Variants in FLNA observed in about 807,000 individuals in gnomAD.
The protein encoded by FLNA is filamin-A.
In FLNA, 7 loss-of-function variants were observed where a neutral mutation model predicts 157.6. That is an observed-to-expected ratio of 0.04 (90% confidence interval 0.03 to 0.08). The LOEUF (loss-of-function observed/expected upper bound fraction) is 0.08. Ranked by LOEUF, FLNA falls within the 10% of genes least tolerant of loss-of-function variation. FLNA has a pLI of 1.00. For synonymous variants in FLNA, 1,103 were observed against 1,060.8 expected (o/e 1.04, Z -0.77); for missense variants, 1,750 against 2,398.4 (o/e 0.73, Z 5.65).
At chrX:154,364,452 CAG>C (rs2067739707) in intron 13 of FLNA, 72 bp downstream of exon 13, 1 of 1,184,589 alleles carries the variant, frequency 8.4e-7, no homozygotes, top group South Asian at 1.8e-5. Flanking sequence ...GCCAGGGACA[CAG>C]AGTGCCATCC....
rs1557180187 is a variant in FLNA at position 154,370,985 on chromosome X, C to T, written c.261G>A (p.Lys87=). Residue 87 remains lysine (K), a synonymous_variant, in exon 2 of 48, where the codon AAG becomes AAA. Transcript: ENST00000369850. ...LIALLEVLSQ[K]KMHRKHNQRP... ...GCTGGTTGTGCTTGCGGTGCATCTT[C>T]TTCTGGCTGAGCACCTCCAACAGCG... The T allele has an allele frequency of 2.5e-6, 3 of 1,211,019 alleles. No homozygotes were observed. The highest frequency in any genetic ancestry group is 2.3e-4 in the Middle Eastern group (1 of 4,351).
chrX:154,356,304 AC>A (rs2067662188), intron 30 of FLNA, among the ~76,000 whole-genome samples: 1 of 106,670 alleles, frequency 9.4e-6, no homozygotes, highest in African/African-American at 3.6e-5. Context: ...CCCCTTCCCC[AC>A]CCCGGGCTCC....
In FLNA at chrX:154,361,475, C is replaced by T. The variant is rs2067711019; in HGVS notation, c.3040G>A (p.Ala1014Thr). ...GGCTCCACCTTGCAGGGCACCGCTGCACCCGAGGGGCCCACAATCTTGGAT... is the reference window on the plus strand; with the variant it reads ...GGCTCCACCTTGCAGGGCACCGCTGTACCCGAGGGGCCCACAATCTTGGAT... ...VASKIVGPSGAAVPCKVEPGL... is the reference protein window; with the variant it reads ...VASKIVGPSGTAVPCKVEPGL... Residue 1014 changes from alanine (A) to threonine (T), a missense_variant, in exon 21 of 48, where the codon GCA becomes ACA. Transcript: ENST00000369850. 1 of 1,209,317 alleles carries T rather than the reference C, an allele frequency of 8.3e-7. No homozygotes were observed. The highest frequency in any genetic ancestry group is 2.2e-5 in the Admixed American group (1 of 45,739).
At chrX:154,372,993 A>AT (rs1557180689) in intron 1 of FLNA, among the ~76,000 whole-genome samples, 1 of 110,086 alleles carries the variant, frequency 9.1e-6, no homozygotes, top group Non-Finnish European at 1.9e-5. Context: ...TGCAAATGGC[A>AT]TTTTCCAGTA....
Position 154,360,126 on chromosome X carries a change from G to A in FLNA, c.3669C>T (p.Pro1223=). The change falls in exon 22 of 48, where the codon CCC becomes CCT. Residue 1223 remains proline (P), a synonymous_variant. Coordinates refer to ENST00000369850, the MANE Select transcript of FLNA (RefSeq NM_001110556.2). ...TGACGGTGTAGGCCCCGGGGCAGAG[G>A]GGAATGTAGGTAATGGTGTGCGTGC... ...GDGTHTITYI[P]LCPGAYTVTI... The A allele has an allele frequency of 8.3e-7, 1 of 1,210,833 alleles. No homozygotes were observed. Among genetic ancestry groups the A allele is most frequent in the Non-Finnish European group, 1.1e-6 (1 of 894,984 alleles).
Position 154,374,272 on chromosome X carries a change from G to T in FLNA, c.-117+234C>A, listed in dbSNP as rs1255091991. On this transcript the variant is annotated intron_variant, in intron 1 of 47. Transcript: ENST00000369850. ...CCCATGGCCTCAGGCTCCCACATTCGTGGGCACAGACATGGCTCGTGGGTC... is the reference window on the plus strand; with the variant it reads ...CCCATGGCCTCAGGCTCCCACATTCTTGGGCACAGACATGGCTCGTGGGTC... Among the ~76,000 whole-genome samples, 3 of 112,705 alleles carry T rather than the reference G, an allele frequency of 2.7e-5. No homozygotes were observed. In the East Asian group the frequency reaches 8.4e-4, roughly 31 times the overall value.
At chrX:154,350,318 G>A (rs1557175493) in intron 44 of FLNA, 111 bp from the exon 45 acceptor site, 1 of 733,138 alleles carries the variant, frequency 1.4e-6, no homozygotes, top group Non-Finnish European at 2.1e-6. Context: ...CGGTCCATCA[G>A]TGTGAGCCCA....
In FLNA at chrX:154,371,348, G is replaced by C. The variant is rs1479440548; in HGVS notation, c.-103C>G. 3 of 1,027,919 alleles carry C rather than the reference G, an allele frequency of 2.9e-6. No individual in the cohort carries two copies. The East Asian group carries it at 9.7e-5, about 33-fold the overall frequency. The allele number at this position is 1,027,919 out of a possible 1,213,427, so 84.7% of individuals were successfully genotyped here. A position where few individuals can be genotyped will look rare whatever the true frequency, so the allele number is the denominator to read the frequency against. The stretch of plus-strand genomic sequence containing the variant: ...CTAGGCGCGCGGGAGGCGAGGCAGG[G>C]AGCAGAGGTTGCGCTGCGGAGAGAG... On this transcript the variant is annotated 5_prime_UTR_variant, in exon 2 of 48. Transcript: ENST00000369850.
In FLNA at chrX:154,364,078, T is replaced by C; in HGVS notation, c.2224A>G (p.Lys742Glu). 8.3e-7 allele frequency: 1 copy of C among 1,211,102 alleles called. No individual in the cohort carries two copies. Residue 742 changes from lysine to glutamate, a missense_variant, in exon 15 of 48, where the codon AAG (lysine) becomes GAG (glutamate). This residue lies in a region of FLNA where 648 missense variants were observed against 805.8 expected (regional missense o/e 0.80). Coordinates refer to ENST00000369850, the MANE Select transcript of FLNA (RefSeq NM_001110556.2). ...CCCCAGGACACCATGGCTGTGTGCT[T>C]CACCGGCTTCCTGGGCACGTAGGAG... ...SCSYVPRKPV[K>E]HTAMVSWGGV...
chrX:154,373,188 C>T (rs1396490489), intron 1 of FLNA, among the ~76,000 whole-genome samples: 1 of 112,175 alleles, frequency 8.9e-6, no homozygotes, highest in Non-Finnish European at 1.9e-5. Context: ...CTTCTGGTCC[C>T]CCTGCCCCAC....
At position 154,352,646 on chromosome X, in the gene FLNA, C is replaced by G. The variant is rs782142395; in HGVS notation, c.6409G>C (p.Glu2137Gln). The part of the protein sequence containing the change: ...GSPFSVKVTG[E>Q]GRVKESITRR... ...GTGATGCTCTCTTTCACCCGGCCCTCGCCTGTCACCTTCACAGAGAAGGGG... is the reference window on the plus strand; with the variant it reads ...GTGATGCTCTCTTTCACCCGGCCCTGGCCTGTCACCTTCACAGAGAAGGGG... Residue 2137 changes from glutamate to glutamine, a missense_variant, in exon 40 of 48, where the codon GAG becomes CAG. Physicochemically the swap from Glu to Gln is conservative, Grantham distance 29. Transcript: ENST00000369850. 9.9e-6 allele frequency: 12 copies of G among 1,210,713 alleles called. No individual in the cohort carries two copies. Among genetic ancestry groups the G allele is most frequent in the Non-Finnish European group, 1.1e-5 (10 of 895,436 alleles).
Position 154,354,847 on chromosome X carries a change from G to A in FLNA, c.5195C>T (p.Pro1732Leu). ...ICVRFGGEHV[P>L]NSPFQVTALA... ...CACCGTCACTTGGAAGGGGCTGTTG[G>A]GCACGTGCTCGCCACCAAAGCGCAC... The change falls in exon 31 of 48, where the codon CCC becomes CTC. Residue 1732 changes from proline to leucine, a missense_variant. Pro to Leu is a moderately conservative substitution (Grantham distance 98). Around this residue, in one of 5 missense-constraint regions of FLNA, gnomAD observed 970 missense variants for 1,302.6 expected, o/e 0.74. Coordinates refer to ENST00000369850, the MANE Select transcript of FLNA (RefSeq NM_001110556.2). The A allele has an allele frequency of 8.3e-7, 1 of 1,211,944 alleles. No homozygotes were observed. Among genetic ancestry groups the A allele is most frequent in the Non-Finnish European group, 1.1e-6 (1 of 895,642 alleles).
At chrX:154,356,017 T>G (rs1046446597) in intron 30 of FLNA, among the ~76,000 whole-genome samples, 52 of 112,211 alleles carry the variant, frequency 4.6e-4, no homozygotes, top group Non-Finnish European at 7.2e-4. Flanking sequence ...TGCACTAGGC[T>G]CCATGCTGGC....
In FLNA at chrX:154,358,241, A is replaced by G. The variant is rs781907985; in HGVS notation, c.4713T>C (p.Asp1571=). The G allele has an allele frequency of 5.9e-5, 71 of 1,209,612 alleles. 2 individuals are homozygous for G. The South Asian group carries it at 1.2e-3, about 20-fold the overall frequency. The part of the protein sequence containing the change: ...PASLPVEFTI[D]AKDAGEGLLA... ...GCAGGCCCTCCCCGGCGTCCTTTGCATCGATGGTGAACTCCACGGGCAGGC... is the reference window on the plus strand; with the variant it reads ...GCAGGCCCTCCCCGGCGTCCTTTGCGTCGATGGTGAACTCCACGGGCAGGC... The change falls in exon 28 of 48, where the codon GAT becomes GAC. Residue 1571 remains aspartate (D), a synonymous_variant. Transcript: ENST00000369850.
At chrX:154,362,950 G>A (rs1392524686) in intron 15 of FLNA, among the ~76,000 whole-genome samples, 166 bp from the exon 16 acceptor site, 1 of 112,160 alleles carries the variant, frequency 8.9e-6, no homozygotes, top group East Asian at 2.8e-4. Flanking sequence ...GGTTCACTCC[G>A]AGGCAACTAC....
At chrX:154,351,789 AGAGT>A (rs1211235865) in intron 42 of FLNA, 91 bp downstream of exon 42, 7 of 1,150,574 alleles carry the variant, frequency 6.1e-6, no homozygotes, top group Non-Finnish European at 8.3e-6. Context: ...CTCAAAGTGA[AGAGT>A]GAGTGCCAGG....
intron 6 of FLNA, 24 bp from the exon 7 acceptor site, chrX:154,366,663 G>A (rs782593491): frequency 5.0e-6 from 6 of 1,206,590 alleles, no homozygotes; most frequent in Non-Finnish European, 6.7e-6. Flanking sequence ...GAGCCTGTGA[G>A]CCTTTGCTAA....
In FLNA at chrX:154,364,318, C is replaced by T. The variant is rs782158357; in HGVS notation, c.2077G>A (p.Ala693Thr). 7 of 1,211,551 alleles carry T rather than the reference C, an allele frequency of 5.8e-6. No individual in the cohort carries two copies. In the Admixed American group the frequency reaches 1.3e-4, roughly 23 times the overall value. The change falls in exon 14 of 48, where the codon GCA becomes ACA. Residue 693 changes from alanine (A) to threonine (T), a missense_variant. Ala to Thr is a moderately conservative substitution (Grantham distance 58). Around this residue, in one of 5 missense-constraint regions of FLNA, gnomAD observed 648 missense variants for 805.8 expected, o/e 0.80. Transcript: ENST00000369850. ...TGCTTGGCATCCACTGTGAACTCTG[C>T]TGGCTTGTTGACGGCCACACCTGTC... ...EKTGVAVNKP[A>T]EFTVDAKHGG... is the part of the protein sequence containing the mutation.
At chrX:154,369,944 AGAG>A (rs1319013129) in intron 2 of FLNA, among the ~76,000 whole-genome samples, 1 of 112,007 alleles carries the variant, frequency 8.9e-6, no homozygotes, top group Non-Finnish European at 1.9e-5. Context: ...ATTCTGAAGA[AGAG>A]AAGACTCATC....
Sources: gnomAD v4.1 joint callset for allele counts (sites outside exome capture counted in the v4.1 genomes callset) on GRCh38, gnomAD v4.1.1 for gene constraint, gnomAD v4.1.1 regional missense constraint, MANE v1.5 for transcripts, NCBI Gene and HGNC (gene_info 2026-07-23, HGNC 2026-07-21) for gene names.